CACNA2D3: variants seen among roughly 807,000 people sequenced by gnomAD.
The protein encoded by CACNA2D3 is calcium voltage-gated channel auxiliary subunit alpha2delta 3, also known as voltage-dependent calcium channel subunit alpha-2/delta-3.
A neutral mutation model predicts 160.6 loss-of-function variants in CACNA2D3; 60 were observed. That is an observed-to-expected ratio of 0.37 (90% CI 0.30 to 0.46). The LOEUF (loss-of-function observed/expected upper bound fraction) is 0.46. Among genes scored for constraint, CACNA2D3 ranks in the 20% least tolerant of loss-of-function variants. The pLI is 1.00. For missense variants in CACNA2D3, 1,205 were observed against 1,365.0 expected, an observed-to-expected ratio of 0.88 and a Z score of 1.85; for synonymous variants, 558 against 492.9, an observed-to-expected ratio of 1.13 and a Z score of -1.75.
At chr3:54,892,638 G>T (rs1356060950) in intron 25 of CACNA2D3, among the ~76,000 whole-genome samples, 2 of 152,060 alleles carry the variant, frequency 1.3e-5, no homozygotes, top group Non-Finnish European at 2.9e-5. Flanking sequence ...TGTTTTTCCA[G>T]AGGGCGAGTT....
chr3:54,265,809 T>A (rs1261017357), intron 2 of CACNA2D3, among the ~76,000 whole-genome samples: 1 of 151,622 alleles, frequency 6.6e-6, no homozygotes, highest in Non-Finnish European at 1.5e-5. Context: ...AAAGTATATC[T>A]TTTTCTCTCC....
intron 27 of CACNA2D3, among the ~76,000 whole-genome samples, chr3:54,942,023 G>A (rs1701480091): frequency 6.6e-6 from 1 of 152,178 alleles, no homozygotes; most frequent in Admixed American, 6.5e-5. Flanking sequence ...TGGTATTCTT[G>A]GGATCAGTTT....
chr3:54,810,579 A>AT (rs1334243577), intron 13 of CACNA2D3, among the ~76,000 whole-genome samples: 1 of 152,244 alleles, frequency 6.6e-6, no homozygotes. Context: ...GGCCCGAGGC[A>AT]AAGGGCCAGT....
At chr3:54,146,124 T>C (rs1375735396) in intron 2 of CACNA2D3, among the ~76,000 whole-genome samples, 1 of 152,238 alleles carries the variant, frequency 6.6e-6, no homozygotes, top group Non-Finnish European at 1.5e-5. Context: ...GGCAGCCCTC[T>C]TCCCTGCTAT....
At position 54,846,411 on chromosome 3, in the gene CACNA2D3, G is replaced by A; in HGVS notation, c.1570G>A (p.Ala524Thr). 6.2e-7 allele frequency: 1 copy of A among 1,606,474 alleles called. No individual in the cohort carries two copies. The highest frequency in any genetic ancestry group is 8.5e-7 in the Non-Finnish European group (1 of 1,175,926). The change falls in exon 17 of 38, where the codon GCC (alanine) becomes ACC (threonine). Residue 524 changes from alanine to threonine, a missense_variant. This residue lies in a region of CACNA2D3 where 911 missense variants were observed against 1,002.2 expected (regional missense o/e 0.91). Coordinates refer to ENST00000474759, the MANE Select transcript of CACNA2D3 (RefSeq NM_018398.3). ...PKYKLGIHGY[A>T]FAITNNGYIL... ...CTTACAGTTAGGGATTCACGGTTAT[G>A]CCTTTGCAATCACAAATAATGGATA...
intron 2 of CACNA2D3, among the ~76,000 whole-genome samples, chr3:54,240,927 A>T (rs1476944908): frequency 1.3e-5 from 2 of 151,980 alleles, no homozygotes; most frequent in Non-Finnish European, 2.9e-5. Flanking sequence ...TTTTGAGTAG[A>T]GACGGGTTTC....
At chr3:54,540,676 C>A (rs952217238) in intron 5 of CACNA2D3, among the ~76,000 whole-genome samples, 26 of 152,080 alleles carry the variant, frequency 1.7e-4, no homozygotes, top group Non-Finnish European at 2.9e-5. Context: ...TGGCAGTAAA[C>A]AAGCAAGAGA....
intron 17 of CACNA2D3, among the ~76,000 whole-genome samples, chr3:54,864,458 G>T (rs1281370078): frequency 1.3e-5 from 2 of 152,116 alleles, no homozygotes; most frequent in African/African-American, 4.8e-5. Context: ...TTTTTTGGTA[G>T]AGATGGGTTT....
intron 2 of CACNA2D3, among the ~76,000 whole-genome samples, chr3:54,249,764 GT>G (rs11301633): frequency 0.025 from 3,523 of 141,286 alleles, 90 homozygotes; most frequent in African/African-American, 0.065. Flanking sequence ...CCAAAATTAT[GT>G]TTTTTTTTTT....
chr3:54,872,047 C>G (rs143326939), intron 18 of CACNA2D3, among the ~76,000 whole-genome samples: 205 of 152,326 alleles, frequency 1.3e-3, no homozygotes, highest in African/African-American at 4.7e-3. Flanking sequence ...CCTGTCAGGA[C>G]CTCATTGGCA....
At chr3:54,460,775 T>G (rs140983992) in intron 4 of CACNA2D3, among the ~76,000 whole-genome samples, 1,874 of 152,132 alleles carry the variant, frequency 0.012, 23 homozygotes, top group Non-Finnish European at 0.02. Flanking sequence ...ATTTCCTTGT[T>G]CTGCCTAATT....
At chr3:54,639,317 T>C (rs956004900) in intron 10 of CACNA2D3, 3 of 151,958 alleles carry the variant, frequency 2.0e-5, no homozygotes, top group African/African-American at 7.3e-5. Flanking sequence ...GACTTGCCGC[T>C]AAGGGTGAAG....
At chr3:54,382,580 C>G (rs528240501) in intron 3 of CACNA2D3, among the ~76,000 whole-genome samples, 3 of 152,120 alleles carry the variant, frequency 2.0e-5, no homozygotes, top group Non-Finnish European at 4.4e-5. Context: ...GTCAGGAGTT[C>G]GAGACCAGCC....
chr3:54,172,304 A>G (rs570810001), intron 2 of CACNA2D3, among the ~76,000 whole-genome samples: 3 of 152,330 alleles, frequency 2.0e-5, no homozygotes, highest in African/African-American at 7.2e-5. Context: ...AGCCTTTGAC[A>G]TGTAGTCTTT....
chr3:54,227,240 T>G (rs1701690042), intron 2 of CACNA2D3, among the ~76,000 whole-genome samples: 1 of 152,072 alleles, frequency 6.6e-6, no homozygotes, highest in South Asian at 2.1e-4. Flanking sequence ...ACGTTCAGGA[T>G]CTGGGTGTTT....
intron 4 of CACNA2D3, among the ~76,000 whole-genome samples, chr3:54,410,344 G>T (rs574212682): frequency 2.6e-5 from 4 of 152,010 alleles, no homozygotes; most frequent in African/African-American, 4.8e-5. Context: ...ACAGAGCAAG[G>T]CTCTGTCCCA....
chr3:54,606,013 C>T (rs913966890), intron 9 of CACNA2D3, among the ~76,000 whole-genome samples: 3 of 152,132 alleles, frequency 2.0e-5, no homozygotes, highest in Non-Finnish European at 2.9e-5. Flanking sequence ...TGATCCATTT[C>T]TGTAGCTTAG....
At position 54,936,593 on chromosome 3, in the gene CACNA2D3, C is replaced by T. The variant is rs184955598; in HGVS notation, c.2450-31857C>T. 5.3e-5 allele frequency among the ~76,000 whole-genome samples: 8 copies of T among 152,270 alleles called. No homozygotes were observed. In the East Asian group the frequency reaches 1.5e-3, roughly 29 times the overall value. On this transcript the variant is annotated intron_variant, in intron 27 of 37. Coordinates refer to ENST00000474759, the MANE Select transcript of CACNA2D3 (RefSeq NM_018398.3). ...CCTTCTGGTGCAATAGTGATGTTCT[C>T]ATCTTTTCTTTTAATTCAAAAATCC...
At chr3:54,338,822 A>T (rs1264499283) in intron 3 of CACNA2D3, among the ~76,000 whole-genome samples, 4 of 152,150 alleles carry the variant, frequency 2.6e-5, no homozygotes, top group African/African-American at 9.7e-5. Context: ...GGCTTGAGGA[A>T]GGAACGGCCT....
Sources: allele counts gnomAD v4.1 joint callset (sites outside exome capture counted in the v4.1 genomes callset), GRCh38; gene constraint gnomAD v4.1.1; regional missense constraint gnomAD v4.1.1; transcripts MANE v1.5; gene names NCBI Gene and HGNC (gene_info 2026-07-23, HGNC 2026-07-21).